SUN5: variants seen among roughly 807,000 people sequenced by gnomAD.
The protein encoded by SUN5 is Sad1 and UNC84 domain containing 5, also known as SUN domain-containing protein 5.
Under a neutral mutation model 53.7 loss-of-function variants are expected in SUN5, and 44 were observed. That is an observed-to-expected ratio of 0.82 (90% CI 0.64 to 1.05). The LOEUF is 1.05. Among genes scored for constraint, SUN5 ranks in the 50% least tolerant of loss-of-function variants. SUN5 has a pLI of 0.00. For missense variants in SUN5, 433 were observed against 483.8 expected (o/e 0.90, Z 0.98); for synonymous variants, 166 against 179.8 (o/e 0.92, Z 0.62).
chr20:32,988,307 C>T (rs1320507981), intron 9 of SUN5, among the ~76,000 whole-genome samples: 1 of 152,186 alleles, frequency 6.6e-6, no homozygotes, highest in Non-Finnish European at 1.5e-5. Flanking sequence ...CACTATCTGA[C>T]CCCGCGTCTC....
intron 8 of SUN5, among the ~76,000 whole-genome samples, chr20:32,994,026 A>T (rs1422150488): frequency 1.3e-5 from 2 of 152,182 alleles, no homozygotes; most frequent in African/African-American, 4.8e-5. Flanking sequence ...CCAGGCCCAG[A>T]GATTTTTGCG....
In SUN5 at chr20:32,990,048, C is replaced by T. The variant is rs1371253370; in HGVS notation, c.535-350G>A. 7.2e-5 allele frequency among the ~76,000 whole-genome samples: 11 copies of T among 152,132 alleles called. No individual in the cohort carries two copies. The South Asian group carries it at 2.1e-3, about 29-fold the overall frequency. On this transcript the variant is annotated intron_variant, in intron 8 of 12. Transcript: ENST00000356173. ...AGTCTCGATATTCTCACCTGTAAGA[C>T]GGGGACAATAATCGTGTCTACCTCC...
intron 8 of SUN5, among the ~76,000 whole-genome samples, chr20:32,991,204 T>A (rs1989702763): frequency 6.6e-6 from 1 of 152,208 alleles, no homozygotes; most frequent in Non-Finnish European, 1.5e-5. Flanking sequence ...GTGCTGGGAC[T>A]GGCTTGAGGG....
At chr20:33,000,623 TG>T (rs1468162913) in intron 4 of SUN5, among the ~76,000 whole-genome samples, 1 of 151,670 alleles carries the variant, frequency 6.6e-6, no homozygotes, top group East Asian at 1.9e-4. Context: ...AAGGCTGAGG[TG>T]GGAGGATCAC....
At chr20:33,001,660 TCC>T (rs1568971210) in intron 3 of SUN5, among the ~76,000 whole-genome samples, 3 of 73,584 alleles carry the variant, frequency 4.1e-5, no homozygotes, top group African/African-American at 1.5e-4. Flanking sequence ...CCTCCCTCCC[TCC>T]CTCCCTTCCT....
Position 33,004,268 on chromosome 20 carries a change from G to T in SUN5, c.73C>A (p.Arg25=). ...LEDVAHNPRP[R]RIAQRGRNTS... is the part of the protein sequence containing the mutation. The stretch of plus-strand genomic sequence containing the variant: ...GGGAGGGGCTGCCATCCTCACCTCC[G>T]GGGTCTGGGATTGTGGGCCACATCT... Residue 25 remains arginine (R), a synonymous_variant, in exon 1 of 13, where the codon CGG becomes AGG. Transcript: ENST00000356173. 1.3e-6 allele frequency: 2 copies of T among 1,570,678 alleles called. No homozygotes were observed. The highest frequency in any genetic ancestry group is 2.3e-5 in the East Asian group (1 of 42,690).
intron 2 of SUN5, 23 bp downstream of exon 2, chr20:33,002,838 C>A: frequency 6.2e-7 from 1 of 1,613,804 alleles, no homozygotes; most frequent in Non-Finnish European, 8.5e-7. Context: ...CATGAAAATA[C>A]CAGGGCACCT....
rs6120072 is a variant in SUN5 at position 32,985,605 on chromosome 20, C to T, written c.897+131G>A. ...GACCCCAGCGCTGGCCACTTCCAGCCTTAACCAAGCTGCATTCAGCCCCTC... is the reference window on the plus strand; with the variant it reads ...GACCCCAGCGCTGGCCACTTCCAGCTTTAACCAAGCTGCATTCAGCCCCTC... On this transcript the variant is annotated intron_variant, in intron 11 of 12. Coordinates refer to ENST00000356173, the MANE Select transcript of SUN5 (RefSeq NM_080675.4). 4.1e-6 allele frequency: 5 copies of T among 1,211,392 alleles called. No individual in the cohort carries two copies. In the East Asian group the frequency reaches 1.3e-4, roughly 31 times the overall value. The allele number at this position is 1,211,392 out of a possible 1,614,324, so 75.0% of individuals were successfully genotyped here. A position where few individuals can be genotyped will look rare whatever the true frequency, so the allele number is the denominator to read the frequency against.
chr20:32,984,408 C>T (rs1327633158), intron 12 of SUN5, among the ~76,000 whole-genome samples: 1 of 152,154 alleles, frequency 6.6e-6, no homozygotes, highest in African/African-American at 2.4e-5. Flanking sequence ...GGCCCCTCCC[C>T]GTTTTTGCCA....
Position 32,985,712 on chromosome 20 carries a change from A to C in SUN5, c.897+24T>G, listed in dbSNP as rs553921882. On this transcript the variant is annotated intron_variant, in intron 11 of 12. Transcript: ENST00000356173. ...GAAGGTTGTCCCTTTAGCTAAGCAT[A>C]GCTCCCTGCAGGGGAGTGCTCACAT... The C allele has an allele frequency of 2.1e-5, 34 of 1,612,228 alleles. No homozygotes were observed. In the East Asian group the frequency reaches 6.9e-4, roughly 33 times the overall value.
chr20:32,999,711 C>T (rs1989949541), intron 5 of SUN5: 1 of 548,818 alleles, frequency 1.8e-6, no homozygotes, highest in East Asian at 3.3e-5. Flanking sequence ...TACCCCACCC[C>T]CAGCCTCCAC....
At chr20:32,989,455 A>G (rs974493214) in intron 9 of SUN5, among the ~76,000 whole-genome samples, 165 bp downstream of exon 9, 1 of 9,752 alleles carries the variant, frequency 1.0e-4, no homozygotes, top group Non-Finnish European at 2.0e-4. Context: ...ACCCCGTCCC[A>G]GAACCCCTTG....
intron 8 of SUN5, among the ~76,000 whole-genome samples, chr20:32,992,806 A>C (rs1682844292): frequency 1.3e-5 from 2 of 152,226 alleles, no homozygotes; most frequent in Admixed American, 6.5e-5. Flanking sequence ...ATACAAGAAA[A>C]GACACTCCAC....
intron 1 of SUN5, 121 bp from the exon 2 acceptor site, chr20:33,003,040 C>G: frequency 8.8e-7 from 1 of 1,138,616 alleles, no homozygotes; most frequent in Admixed American, 2.0e-5. Context: ...CCAACACCAC[C>G]AGCCTGTGAT....
chr20:32,985,087 C>T lies in SUN5; in HGVS notation c.984+12G>A. 6.2e-7 allele frequency: 1 copy of T among 1,614,010 alleles called. No individual in the cohort carries two copies. Among genetic ancestry groups the T allele is most frequent in the Non-Finnish European group, 8.5e-7 (1 of 1,179,910 alleles). Reference sequence around the variant, plus strand: ...CAGCAGGTGCTCAGCACAGGCAGCTCTTCGCAGGTACCTGGAGTGGGAACA... The same window carrying T: ...CAGCAGGTGCTCAGCACAGGCAGCTTTTCGCAGGTACCTGGAGTGGGAACA... On this transcript the variant is annotated intron_variant, in intron 12 of 12. Transcript: ENST00000356173.
At chr20:32,995,020 G>A (rs1209658893) in intron 8 of SUN5, among the ~76,000 whole-genome samples, 1 of 152,086 alleles carries the variant, frequency 6.6e-6, no homozygotes, top group Non-Finnish European at 1.5e-5. Flanking sequence ...CCAGGTAATA[G>A]CGTAGGAATC....
At chr20:33,001,931 C>T (rs935489079) in intron 3 of SUN5, among the ~76,000 whole-genome samples, 1 of 152,178 alleles carries the variant, frequency 6.6e-6, no homozygotes. Flanking sequence ...GGATTACAGG[C>T]ATGAGCCACT....
intron 10 of SUN5, 23 bp from the exon 11 acceptor site, chr20:32,985,926 G>A (rs1365997585): frequency 6.2e-7 from 1 of 1,606,410 alleles, no homozygotes. Context: ...AGTACAATAA[G>A]GGATATGCTG....
chr20:32,985,864 C>A lies in SUN5; in HGVS notation c.769G>T (p.Asp257Tyr). The A allele has an allele frequency of 6.2e-7, 1 of 1,614,068 alleles. No individual in the cohort carries two copies. The highest frequency in any genetic ancestry group is 1.1e-5 in the South Asian group (1 of 91,060). The change falls in exon 11 of 13, where the codon GAC (aspartate) becomes TAC (tyrosine). Residue 257 changes from aspartate to tyrosine, a missense_variant. Physicochemically the swap from Asp to Tyr is radical, Grantham distance 160. Transcript: ENST00000356173. The part of the protein sequence containing the change: ...TPGNCWAFEG[D>Y]RGQVTIQLAQ... ...AATTGGATGGTCACCTGGCCGCGGTCACCCTCAAAGGCCCAGCAATTGCCA... is the reference window on the plus strand; with the variant it reads ...AATTGGATGGTCACCTGGCCGCGGTAACCCTCAAAGGCCCAGCAATTGCCA...
Sources: gnomAD v4.1 joint callset for allele counts (sites outside exome capture counted in the v4.1 genomes callset) on GRCh38, gnomAD v4.1.1 for gene constraint, MANE v1.5 for transcripts, NCBI Gene and HGNC (gene_info 2026-07-23, HGNC 2026-07-21) for gene names.